The following SLC6A19 variants were observed in gnomAD, a reference collection of about 807,000 sequenced individuals.
SLC6A19 encodes the protein solute carrier family 6 member 19, also known as sodium-dependent neutral amino acid transporter B(0)AT1.
Under a neutral mutation model 68.3 loss-of-function variants are expected in SLC6A19, and 67 were observed. That is an observed-to-expected ratio of 0.98 (90% CI 0.81 to 1.20). The LOEUF (loss-of-function observed/expected upper bound fraction) is 1.20, where lower values mean the gene tolerates loss of function less well. Among genes scored for constraint, SLC6A19 ranks in the 50% most tolerant of loss-of-function variants. The pLI is 0.00. For missense variants in SLC6A19, 813 were observed against 851.6 expected (o/e 0.95, Z 0.56); for synonymous variants, 392 against 374.9 (o/e 1.05, Z -0.53).
chr5:1,213,610 G>A, intron 5 of SLC6A19, 37 bp downstream of exon 5: 1 of 1,576,740 alleles, frequency 6.3e-7, no homozygotes, highest in Non-Finnish European at 8.7e-7. Context: ...CAGACCCCGG[G>A]AGAGGCCTGG....
chr5:1,214,180 C>T lies in SLC6A19; in HGVS notation c.887+115C>T, dbSNP rs1746137442. The T allele has an allele frequency of 2.0e-6, 3 of 1,538,410 alleles. No homozygotes were observed. The highest frequency in any genetic ancestry group is 1.2e-5 in the South Asian group (1 of 82,970). ...TGGCTGTGTGGCCGGGGCCTTGCTGCCCCGATGGGCCCGTTCCCTCCTGCT... is the reference window on the plus strand; with the variant it reads ...TGGCTGTGTGGCCGGGGCCTTGCTGTCCCGATGGGCCCGTTCCCTCCTGCT... On this transcript the variant is annotated intron_variant, in intron 6 of 11. Coordinates refer to ENST00000304460, the MANE Select transcript of SLC6A19 (RefSeq NM_001003841.3). The surrounding 1 kb of genome is among the most constrained non-coding windows in gnomAD (Gnocchi z 7.4).
chr5:1,214,360 G>A lies in SLC6A19; in HGVS notation c.887+295G>A, dbSNP rs1322969536. Among the ~76,000 whole-genome samples the A allele has an allele frequency of 2.6e-5, 4 of 152,050 alleles. No homozygotes were observed. In the East Asian group the frequency reaches 7.7e-4, roughly 29 times the overall value. ...CCTCCTGTGCTCTCCCCAGTTCCCT[G>A]CTCCACACCCACATCGCTCCCAGCC... On this transcript the variant is annotated intron_variant, in intron 6 of 11. Coordinates refer to ENST00000304460, the MANE Select transcript of SLC6A19 (RefSeq NM_001003841.3). This position sits in a 1 kb window ranked among gnomAD's most constrained non-coding sequence, Gnocchi z 7.4.
In SLC6A19 at chr5:1,201,751, A is replaced by C; in HGVS notation, c.101A>C (p.Lys34Thr). The change falls in exon 1 of 12, where the codon AAG (lysine) becomes ACG (threonine). Residue 34 changes from lysine (K) to threonine (T), a missense_variant. By Grantham distance (78) the Lys-to-Thr change is moderately conservative (BLOSUM62 -1). Coordinates refer to ENST00000304460, the MANE Select transcript of SLC6A19 (RefSeq NM_001003841.3). ...CAGGAGGAGGCCAGCTCCCGGCCGA[A>C]GTGGGACAACAAGGCGCAGTACATG... ...IEQEEASSRPKWDNKAQYMLT... is the reference protein window; with the variant it reads ...IEQEEASSRPTWDNKAQYMLT... 6.2e-7 allele frequency: 1 copy of C among 1,612,808 alleles called. No individual in the cohort carries two copies. Among genetic ancestry groups the C allele is most frequent in the South Asian group, 1.1e-5 (1 of 91,082 alleles).
intron 8 of SLC6A19, among the ~76,000 whole-genome samples, chr5:1,217,869 A>AC (rs1204352832): frequency 1.3e-5 from 2 of 151,570 alleles, no homozygotes; most frequent in Non-Finnish European, 2.9e-5. Context: ...AGCCCCAGGC[A>AC]CCCCCTCTGC....
At position 1,216,552 on chromosome 5, in the gene SLC6A19, C is replaced by G. The variant is rs1280995491; in HGVS notation, c.888-6C>G. ...CCAGCCGCCATGACACTGGTCTCGT[C>G]TGCAGCAACAACTGCGAGAAGGACT... On this transcript the variant is annotated splice_polypyrimidine_tract_variant and splice_region_variant and intron_variant, in intron 6 of 11. Transcript: ENST00000304460. 1 of 1,613,978 alleles carries G rather than the reference C, an allele frequency of 6.2e-7. No homozygotes were observed. Among genetic ancestry groups the G allele is most frequent in the Non-Finnish European group, 8.5e-7 (1 of 1,180,038 alleles).
rs377301297 is a variant in SLC6A19 at position 1,216,983 on chromosome 5, C to A, written c.1173+38C>A. On this transcript the variant is annotated intron_variant, in intron 8 of 11. Coordinates refer to ENST00000304460, the MANE Select transcript of SLC6A19 (RefSeq NM_001003841.3). ...CGGAGCTCGAGGCAGGGAGAGGGCA[C>A]CCCTTGCTGGCACCTCAGAGTCCGG... 3.5e-5 allele frequency: 57 copies of A among 1,610,516 alleles called. No homozygotes were observed. The African/African-American group carries it at 6.4e-4, about 18-fold the overall frequency.
intron 6 of SLC6A19, 128 bp from the exon 7 acceptor site, chr5:1,216,430 G>T (rs1385196438): frequency 7.2e-6 from 10 of 1,382,966 alleles, no homozygotes; most frequent in African/African-American, 1.4e-5. Flanking sequence ...CTGCCTCCCC[G>T]TGTCACTCAG....
At position 1,203,437 on chromosome 5, in the gene SLC6A19, C is replaced by A. The variant is rs530237109; in HGVS notation, c.202+1585C>A. On this transcript the variant is annotated intron_variant, in intron 1 of 11. Transcript: ENST00000304460. The stretch of plus-strand genomic sequence containing the variant: ...GCAGCGGGCAGCGGGCAGCGGGTTC[C>A]GGGCAGGCAGGCCCAGGTGAGGAGG... Among the ~76,000 whole-genome samples the A allele has an allele frequency of 2.0e-5, 3 of 152,224 alleles. No individual in the cohort carries two copies. The South Asian group carries it at 6.2e-4, about 32-fold the overall frequency.
rs376621945 is a variant in SLC6A19 at position 1,216,740 on chromosome 5, C to G, written c.1017-49C>G. 1.4e-5 allele frequency: 23 copies of G among 1,613,682 alleles called. No individual in the cohort carries two copies. The African/African-American group carries it at 2.5e-4, about 18-fold the overall frequency. ...CTTGGGCTGCGCCTCCAGGAAGCCT[C>G]CCAGCCTCCCTGGCCCCAGGTGGCC... On this transcript the variant is annotated intron_variant, in intron 7 of 11. Transcript: ENST00000304460.
intron 1 of SLC6A19, among the ~76,000 whole-genome samples, chr5:1,205,081 G>A (rs1384185726): frequency 2.0e-5 from 3 of 152,042 alleles, no homozygotes; most frequent in African/African-American, 7.3e-5. Flanking sequence ...CCATTCTCTC[G>A]GTTACCTGCT....
At chr5:1,217,065 C>T in intron 8 of SLC6A19, 120 bp downstream of exon 8, 1 of 1,486,856 alleles carries the variant, frequency 6.7e-7, no homozygotes, top group Non-Finnish European at 9.2e-7. Flanking sequence ...AGCCGGGAGG[C>T]CCAGCTCCCA....
At chr5:1,221,034 A>T in intron 10 of SLC6A19, 117 bp from the exon 11 acceptor site, 1 of 1,327,562 alleles carries the variant, frequency 7.5e-7, no homozygotes, top group Non-Finnish European at 1.0e-6. Context: ...GGCCCTGGCA[A>T]GGGGAGGCCG....
At chr5:1,219,422 G>C in intron 9 of SLC6A19, 83 bp from the exon 10 acceptor site, 1 of 1,573,952 alleles carries the variant, frequency 6.4e-7, no homozygotes, top group Non-Finnish European at 8.6e-7. Flanking sequence ...CATATGTGCA[G>C]CCCCCAGTTG....
Position 1,216,813 on chromosome 5 carries a change from G to A in SLC6A19, c.1041G>A (p.Gly347=), listed in dbSNP as rs780178525. 30 of 1,613,796 alleles carry A rather than the reference G, an allele frequency of 1.9e-5. No homozygotes were observed. In the South Asian group the frequency reaches 3.1e-4, roughly 17 times the overall value. The change falls in exon 8 of 12, where the codon GGG becomes GGA. Residue 347 remains glycine (G), a synonymous_variant. Coordinates refer to ENST00000304460, the MANE Select transcript of SLC6A19 (RefSeq NM_001003841.3). ...FSTNILTLIN[G]FDLPEGNVTQ... ...GGAACATCCTGACCCTCATCAACGGGTTCGACCTGCCTGAAGGCAACGTGA... is the reference window on the plus strand; with the variant it reads ...GGAACATCCTGACCCTCATCAACGGATTCGACCTGCCTGAAGGCAACGTGA...
Position 1,212,242 on chromosome 5 carries a change from C to T in SLC6A19, c.482-61C>T, listed in dbSNP as rs7727745. On this transcript the variant is annotated intron_variant, in intron 3 of 11. Transcript: ENST00000304460. This position sits in a 1 kb window ranked among gnomAD's most constrained non-coding sequence, Gnocchi z 5.1. ...GCTGGCATTTCTTCCAGCTCAGGGC[C>T]TTCCATTCTCCTCCCTTGGGGGACC... is the stretch of plus-strand genomic sequence containing the variant. 6.2e-7 allele frequency: 1 copy of T among 1,602,960 alleles called. No homozygotes were observed. The highest frequency in any genetic ancestry group is 1.3e-5 in the African/African-American group (1 of 74,736).
In SLC6A19 at chr5:1,222,255, C is replaced by T. The variant is rs184155306; in HGVS notation, c.*351C>T. 8.1e-4 allele frequency: 446 copies of T among 553,464 alleles called. 1 individual carries two copies. The Middle Eastern group carries it at 9.8e-3, about 12-fold the overall frequency. 34.3% of individuals were successfully genotyped at this position (553,464 alleles called of 1,614,324 possible). A position where few individuals can be genotyped will look rare whatever the true frequency, so the allele number is the denominator to read the frequency against. ...AAGTGTGCATGCATATACATGTGTG[C>T]GATATTTGCTGCCCGTGTGTGTGCA... On this transcript the variant is annotated 3_prime_UTR_variant, in exon 12 of 12. Coordinates refer to ENST00000304460, the MANE Select transcript of SLC6A19 (RefSeq NM_001003841.3).
At chr5:1,221,028 C>G (rs1489321477) in intron 10 of SLC6A19, 123 bp from the exon 11 acceptor site, 1 of 1,282,466 alleles carries the variant, frequency 7.8e-7, no homozygotes, top group African/African-American at 1.5e-5. Context: ...GGATCGGGCC[C>G]TGGCAAGGGG....
rs1381547975 is a variant in SLC6A19 at position 1,222,475 on chromosome 5, C to T, written c.*571C>T. On this transcript the variant is annotated 3_prime_UTR_variant, in exon 12 of 12. Coordinates refer to ENST00000304460, the MANE Select transcript of SLC6A19 (RefSeq NM_001003841.3). Reference sequence around the variant, plus strand: ...GTGTGCGTTTGCAAGTATATATGCACATGTGTATATGTACATGTATGCCTG... The same window carrying T: ...GTGTGCGTTTGCAAGTATATATGCATATGTGTATATGTACATGTATGCCTG... 9.3e-6 allele frequency: 4 copies of T among 431,640 alleles called. No homozygotes were observed. The highest frequency in any genetic ancestry group is 1.6e-5 in the Non-Finnish European group (4 of 245,646). 26.7% of individuals were successfully genotyped at this position (431,640 alleles called of 1,614,324 possible).
At chr5:1,218,869 C>T (rs544409658) in intron 8 of SLC6A19, 34 bp from the exon 9 acceptor site, 2 of 1,604,418 alleles carry the variant, frequency 1.2e-6, no homozygotes, top group South Asian at 2.2e-5. Context: ...CCACGGAGGG[C>T]AGAGGCCCTG....
Sources: gnomAD v4.1 joint callset for allele counts (sites outside exome capture counted in the v4.1 genomes callset) on GRCh38, gnomAD v4.1.1 for gene constraint, Gnocchi (gnomAD v3.1) non-coding constraint, MANE v1.5 for transcripts, NCBI Gene and HGNC (gene_info 2026-07-23, HGNC 2026-07-21) for gene names.